APBB2: variants seen among roughly 807,000 people sequenced by gnomAD.
APBB2 encodes the protein Fe65-like 1.
Under a neutral mutation model 82.5 loss-of-function variants are expected in APBB2, and 38 were observed. The observed-to-expected ratio is 0.46, with a 90% CI of 0.36 to 0.60. The LOEUF is 0.60. APBB2 is among the 20% of genes least tolerant of loss of function. The pLI, the probability that APBB2 is intolerant of heterozygous loss-of-function variation, is 0.00. For missense variants in APBB2, 772 were observed against 972.3 expected, an observed-to-expected ratio of 0.79 and a Z score of 2.74; for synonymous variants, 341 against 368.2, an observed-to-expected ratio of 0.93 and a Z score of 0.85.
chr4:40,921,246 G>GT (rs1440340128), intron 10 of APBB2, among the ~76,000 whole-genome samples: 1 of 152,158 alleles, frequency 6.6e-6, no homozygotes, highest in Non-Finnish European at 1.5e-5. Context: ...AATCATTATT[G>GT]TACTACGGGG....
intron 17 of APBB2, among the ~76,000 whole-genome samples, chr4:40,821,546 A>C (rs1383699296): frequency 1.3e-5 from 2 of 152,210 alleles, no homozygotes; most frequent in Non-Finnish European, 2.9e-5. Context: ...ACTGAATTGA[A>C]CCCAAACAGT....
chr4:41,081,773 AT>A (rs1159386404), intron 3 of APBB2, among the ~76,000 whole-genome samples: 2 of 151,862 alleles, frequency 1.3e-5, no homozygotes, highest in African/African-American at 4.8e-5. Flanking sequence ...TTAACTTGAA[AT>A]TTTTTTAACT....
chr4:41,016,159 T>A (rs901103691), intron 5 of APBB2, among the ~76,000 whole-genome samples: 2 of 152,170 alleles, frequency 1.3e-5, no homozygotes, highest in Non-Finnish European at 2.9e-5. Flanking sequence ...AAAGTGCAAA[T>A]CTGCTGTTCC....
Position 40,861,928 on chromosome 4 carries a change from C to A in APBB2, c.1529+28436G>T, listed in dbSNP as rs1762858544. Among the ~76,000 whole-genome samples, 3 of 152,288 alleles carry A rather than the reference C, an allele frequency of 2.0e-5. No homozygotes were observed. In the South Asian group the frequency reaches 6.2e-4, roughly 32 times the overall value. ...TGATCACCCAACTTTTAAAAGGCATCTGACTTCCTAATTAGAATGAAATAT... is the reference window on the plus strand; with the variant it reads ...TGATCACCCAACTTTTAAAAGGCATATGACTTCCTAATTAGAATGAAATAT... On this transcript the variant is annotated intron_variant, in intron 12 of 17. Coordinates refer to ENST00000508593, the MANE Select transcript of APBB2 (RefSeq NM_004307.2).
chr4:41,083,734 G>A (rs968193909), intron 3 of APBB2, among the ~76,000 whole-genome samples: 31 of 148,446 alleles, frequency 2.1e-4, no homozygotes, highest in African/African-American at 7.4e-4. Flanking sequence ...CCATTTATAG[G>A]TCCTGTTGTA....
At position 40,944,896 on chromosome 4, in the gene APBB2, G is replaced by C. The variant is rs371342131; in HGVS notation, c.1013C>G (p.Ser338Cys). 21 of 1,613,186 alleles carry C rather than the reference G, an allele frequency of 1.3e-5. No homozygotes were observed. The highest frequency in any genetic ancestry group is 1.7e-5 in the Non-Finnish European group (20 of 1,180,014). Residue 338 changes from serine (S) to cysteine (C), a missense_variant, in exon 7 of 18, where the codon TCT (serine) becomes TGT (cysteine). Coordinates refer to ENST00000508593, the MANE Select transcript of APBB2 (RefSeq NM_004307.2). Reference sequence around the variant, plus strand: ...CTCTGGGGTGGGAGATGGCGTTACAGAACTAAGTGACCCTTTCCTAGAACC... The same window carrying C: ...CTCTGGGGTGGGAGATGGCGTTACACAACTAAGTGACCCTTTCCTAGAACC... ...LQGSRKGSLS[S>C]VTPSPTPENE...
chr4:40,998,167 T>C (rs1804171865), intron 6 of APBB2, among the ~76,000 whole-genome samples: 1 of 152,236 alleles, frequency 6.6e-6, no homozygotes, highest in African/African-American at 2.4e-5. Context: ...CTTGTATCTA[T>C]CACAGTGAGC....
At position 40,823,707 on chromosome 4, in the gene APBB2, C is replaced by G. The variant is rs1197312255; in HGVS notation, c.1869G>C (p.Lys623Asn). 1 of 1,613,896 alleles carries G rather than the reference C, an allele frequency of 6.2e-7. No individual in the cohort carries two copies. The highest frequency in any genetic ancestry group is 1.3e-5 in the African/African-American group (1 of 74,920). ...TCATGTTCACTGACAGCCAGTCCTC[C>G]TTGTTGGATGAGGTCATAAGATTTT... Reference protein sequence around the residue: ...AIENLMTSSNKEDWLSVNMNV... With the variant: ...AIENLMTSSNNEDWLSVNMNV... Residue 623 changes from lysine to asparagine, a missense_variant, in exon 16 of 18, where the codon AAG (lysine) becomes AAC (asparagine). Physicochemically the swap from Lys to Asn is moderately conservative, Grantham distance 94 (BLOSUM62 0). Coordinates refer to ENST00000508593, the MANE Select transcript of APBB2 (RefSeq NM_004307.2).
intron 3 of APBB2, among the ~76,000 whole-genome samples, chr4:41,087,082 G>C (rs991708869): frequency 6.6e-6 from 1 of 152,190 alleles, no homozygotes; most frequent in South Asian, 2.1e-4. Context: ...CAAAGCTATA[G>C]AGAATTGTGA....
chr4:41,033,133 T>C (rs572297594), intron 5 of APBB2, 103 bp downstream of exon 5: 16 of 829,656 alleles, frequency 1.9e-5, no homozygotes, highest in Non-Finnish European at 2.7e-5. Flanking sequence ...TTAAAAAACA[T>C]GTTATTTTAG....
At chr4:40,836,216 C>G (rs1577822642) in intron 12 of APBB2, among the ~76,000 whole-genome samples, 1 of 152,170 alleles carries the variant, frequency 6.6e-6, no homozygotes, top group East Asian at 1.9e-4. Flanking sequence ...GTGGCTCATG[C>G]CTGTAATCCC....
intron 2 of APBB2, among the ~76,000 whole-genome samples, chr4:41,120,023 G>T (rs1258111444): frequency 1.3e-5 from 2 of 152,172 alleles, no homozygotes; most frequent in African/African-American, 2.4e-5. Context: ...GGGTGGTAAA[G>T]ATGTCATCAC....
intron 6 of APBB2, among the ~76,000 whole-genome samples, chr4:41,012,164 G>C (rs777170758): frequency 5.3e-5 from 8 of 152,150 alleles, no homozygotes; most frequent in African/African-American, 1.9e-4. Context: ...CAAAACTTTA[G>C]GTTAGTTTAA....
At chr4:40,988,184 G>A (rs1238985072) in intron 6 of APBB2, among the ~76,000 whole-genome samples, 2 of 152,186 alleles carry the variant, frequency 1.3e-5, no homozygotes, top group African/African-American at 4.8e-5. Flanking sequence ...TCATATCAAA[G>A]CCACACACAA....
intron 12 of APBB2, among the ~76,000 whole-genome samples, chr4:40,851,738 A>ATT (rs869027470): frequency 2.1e-4 from 14 of 67,736 alleles, no homozygotes; most frequent in African/African-American, 5.4e-4. Context: ...ATATATATAT[A>ATT]TTTTTTTTTT....
intron 2 of APBB2, among the ~76,000 whole-genome samples, chr4:41,137,376 A>G (rs549785843): frequency 6.6e-6 from 1 of 152,330 alleles, no homozygotes; most frequent in Admixed American, 6.5e-5. Flanking sequence ...CCTTTATGAA[A>G]AACAAAGCAC....
chr4:41,044,403 C>T (rs1253578916), intron 4 of APBB2, among the ~76,000 whole-genome samples: 1 of 152,172 alleles, frequency 6.6e-6, no homozygotes, highest in Non-Finnish European at 1.5e-5. Context: ...CTGACATGCC[C>T]TAATAATCTT....
intron 6 of APBB2, among the ~76,000 whole-genome samples, chr4:40,997,070 T>C (rs1300376759): frequency 6.6e-6 from 1 of 152,156 alleles, no homozygotes; most frequent in African/African-American, 2.4e-5. Context: ...TCACCTATCA[T>C]GATTGCCTAT....
At chr4:41,174,467 T>C (rs16852859) in intron 1 of APBB2, among the ~76,000 whole-genome samples, 7,735 of 152,186 alleles carry the variant, frequency 0.051, 439 homozygotes, top group African/African-American at 0.14. Context: ...TTGAGCACGC[T>C]AGCAGCTCAT....
Sources: gnomAD v4.1 joint callset for allele counts (sites outside exome capture counted in the v4.1 genomes callset) on GRCh38, gnomAD v4.1.1 for gene constraint, MANE v1.5 for transcripts, NCBI Gene and HGNC (gene_info 2026-07-23, HGNC 2026-07-21) for gene names.